PPP2R2B: variants seen among roughly 807,000 people sequenced by gnomAD.
PPP2R2B encodes the protein serine/threonine-protein phosphatase 2A 55 kDa regulatory subunit B beta isoform.
A neutral mutation model predicts 46.0 loss-of-function variants in PPP2R2B; 5 were observed. The ratio of observed to expected loss-of-function variants is 0.11; its 90% CI spans 0.06 to 0.23. The LOEUF is 0.23. Among genes scored for constraint, PPP2R2B ranks in the 10% least tolerant of loss-of-function variants. The pLI is 1.00. For synonymous variants in PPP2R2B, 215 were observed against 206.7 expected, an observed-to-expected ratio of 1.04 and a Z score of -0.34; for missense variants, 367 against 575.0, an observed-to-expected ratio of 0.64 and a Z score of 3.70.
chr5:147,079,467 T>TAC (rs1279583313), intron 2 of PPP2R2B, among the ~76,000 whole-genome samples: 12 of 144,168 alleles, frequency 8.3e-5, no homozygotes, highest in Non-Finnish European at 1.5e-4. Context: ...TATATATATA[T>TAC]ATACATGTGC....
chr5:146,978,319 T>C (rs569616668), intron 1 of PPP2R2B, among the ~76,000 whole-genome samples: 1 of 152,304 alleles, frequency 6.6e-6, no homozygotes, highest in South Asian at 2.1e-4. Context: ...ATTCTGTAGG[T>C]TGCCTGTTAA....
intron 2 of PPP2R2B, among the ~76,000 whole-genome samples, chr5:146,730,875 A>G (rs1358380614): frequency 6.6e-6 from 1 of 152,232 alleles, no homozygotes; most frequent in Non-Finnish European, 1.5e-5. Flanking sequence ...AGAGGTGATC[A>G]GGGAAGCCTG....
intron 2 of PPP2R2B, among the ~76,000 whole-genome samples, chr5:146,825,983 T>C (rs1409109131): frequency 6.6e-6 from 1 of 152,164 alleles, no homozygotes; most frequent in Non-Finnish European, 1.5e-5. Context: ...CAGGGGAATC[T>C]TATGAGTTAT....
chr5:146,920,429 G>C (rs980574910), intron 1 of PPP2R2B, among the ~76,000 whole-genome samples: 2 of 152,198 alleles, frequency 1.3e-5, no homozygotes, highest in African/African-American at 2.4e-5. Context: ...GCAGTTTAAA[G>C]CACAGTAGGC....
intron 1 of PPP2R2B, among the ~76,000 whole-genome samples, chr5:146,964,256 G>T (rs950733379): frequency 1.3e-5 from 2 of 152,118 alleles, no homozygotes; most frequent in Admixed American, 6.5e-5. Flanking sequence ...TGTGTGAGCT[G>T]TTCATAGATC....
chr5:146,884,300 C>G (rs146872843), intron 1 of PPP2R2B, among the ~76,000 whole-genome samples: 1 of 152,194 alleles, frequency 6.6e-6, no homozygotes, highest in East Asian at 1.9e-4. Context: ...TTAAATAACT[C>G]TTAAAATCCT....
intron 2 of PPP2R2B, among the ~76,000 whole-genome samples, chr5:146,768,224 C>T (rs1028870085): frequency 1.3e-5 from 2 of 152,108 alleles, no homozygotes; most frequent in Non-Finnish European, 2.9e-5. Flanking sequence ...CAGGTGCATG[C>T]CACCATACCC....
intron 1 of PPP2R2B, among the ~76,000 whole-genome samples, chr5:146,933,109 T>C (rs1764020062): frequency 1.3e-5 from 2 of 152,230 alleles, no homozygotes; most frequent in Non-Finnish European, 2.9e-5. Flanking sequence ...CTGTTTGCTC[T>C]TTGAGAAATT....
At chr5:146,844,385 A>G (rs1167642779) in intron 2 of PPP2R2B, among the ~76,000 whole-genome samples, 1 of 151,132 alleles carries the variant, frequency 6.6e-6, no homozygotes, top group Non-Finnish European at 1.5e-5. Flanking sequence ...AAAAATATAT[A>G]CTGAAACATC....
intron 2 of PPP2R2B, among the ~76,000 whole-genome samples, chr5:146,753,420 T>G (rs749614144): frequency 6.6e-5 from 10 of 152,192 alleles, no homozygotes; most frequent in Non-Finnish European, 1.3e-4. Context: ...AATAAATAAG[T>G]GCTGGTTGCC....
intron 2 of PPP2R2B, among the ~76,000 whole-genome samples, chr5:146,837,358 T>C (rs1196199237): frequency 6.6e-6 from 1 of 152,238 alleles, no homozygotes; most frequent in Non-Finnish European, 1.5e-5. Context: ...GTGTATTAAA[T>C]GCATTTTTTG....
At chr5:147,034,248 C>G (rs1755930935) in intron 1 of PPP2R2B, among the ~76,000 whole-genome samples, 1 of 152,218 alleles carries the variant, frequency 6.6e-6, no homozygotes, top group African/African-American at 2.4e-5. Context: ...AAATCTTTAG[C>G]TTCCTGGACC....
chr5:147,055,899 G>C, exon 1 of PPP2R2B: 1 of 1,439,934 alleles, frequency 6.9e-7, no homozygotes, highest in Non-Finnish European at 9.1e-7. Flanking sequence ...ACTGGAGATG[G>C]GTCCCATTTT....
intron 1 of PPP2R2B, among the ~76,000 whole-genome samples, chr5:147,047,186 A>G (rs1756583364): frequency 6.6e-6 from 1 of 152,050 alleles, no homozygotes; most frequent in Non-Finnish European, 1.5e-5. Flanking sequence ...GATTTGTTAA[A>G]GGACACAAAA....
chr5:146,808,583 G>C (rs1485955127), intron 2 of PPP2R2B, among the ~76,000 whole-genome samples: 5 of 152,144 alleles, frequency 3.3e-5, no homozygotes, highest in Non-Finnish European at 7.4e-5. Context: ...CCTAAAACTT[G>C]ACCCTGACTT....
intron 5 of PPP2R2B, among the ~76,000 whole-genome samples, chr5:146,659,346 T>C (rs1776542298): frequency 6.6e-6 from 1 of 152,240 alleles, no homozygotes; most frequent in Non-Finnish European, 1.5e-5. Flanking sequence ...TACATAGCTA[T>C]TCAAAATTCT....
chr5:146,741,082 T>C lies in PPP2R2B; in HGVS notation c.71-39940A>G, dbSNP rs563833708. On this transcript the variant is annotated intron_variant, in intron 2 of 9. Coordinates refer to ENST00000394411, the MANE Select transcript of PPP2R2B (RefSeq NM_181675.4). ...TTTTTGGGTCCCACCCCAGTTCTAC[T>C]GAATCAGATTCTTTAGGAATGGGGA... Among the ~76,000 whole-genome samples, 3 of 151,924 alleles carry C rather than the reference T, an allele frequency of 2.0e-5. No individual in the cohort carries two copies. In the South Asian group the frequency reaches 6.2e-4, roughly 32 times the overall value.
intron 1 of PPP2R2B, among the ~76,000 whole-genome samples, chr5:146,933,009 C>T (rs1251016327): frequency 6.6e-6 from 1 of 152,140 alleles, no homozygotes; most frequent in African/African-American, 2.4e-5. Flanking sequence ...TGTACCAGCA[C>T]TAAGCATGCT....
chr5:146,875,930 C>G (rs1005751044), intron 2 of PPP2R2B, among the ~76,000 whole-genome samples: 1 of 152,174 alleles, frequency 6.6e-6, no homozygotes. Flanking sequence ...TTCCCTGAAA[C>G]GAATAGGTCA....
Sources: allele counts gnomAD v4.1 joint callset (sites outside exome capture counted in the v4.1 genomes callset), GRCh38; gene constraint gnomAD v4.1.1; transcripts MANE v1.5; gene names NCBI Gene and HGNC (gene_info 2026-07-23, HGNC 2026-07-21).